The following ROBO1 variants were observed in gnomAD, a reference collection of about 807,000 sequenced individuals.
The protein encoded by ROBO1 is roundabout homolog 1.
A neutral mutation model predicts 195.9 loss-of-function variants in ROBO1; 149 were observed. The ratio of observed to expected loss-of-function variants is 0.76; its 90% CI spans 0.67 to 0.87. The LOEUF (loss-of-function observed/expected upper bound fraction) is 0.87. Among genes scored for constraint, ROBO1 ranks in the 40% least tolerant of loss-of-function variants. The probability of loss-of-function intolerance (pLI) is 0.00; values close to 1 mark genes in which losing one functional copy is unlikely to be tolerated. For synonymous variants in ROBO1, 816 were observed against 733.2 expected (o/e 1.11, Z -1.82); for missense variants, 1,933 against 2,068.3 (o/e 0.93, Z 1.27).
At chr3:78,958,681 A>C (rs991408941) in intron 3 of ROBO1, among the ~76,000 whole-genome samples, 1 of 152,126 alleles carries the variant, frequency 6.6e-6, no homozygotes, top group Admixed American at 6.5e-5. Flanking sequence ...AAATACAGGA[A>C]TCTTATCCTA....
intron 2 of ROBO1, among the ~76,000 whole-genome samples, chr3:79,200,147 T>C (rs949078954): frequency 1.3e-5 from 2 of 151,708 alleles, no homozygotes; most frequent in African/African-American, 2.4e-5. Context: ...GTGAAAAGTA[T>C]TGTAATGAGT....
chr3:79,581,305 T>A (rs893896699), intron 2 of ROBO1, among the ~76,000 whole-genome samples: 2 of 152,102 alleles, frequency 1.3e-5, no homozygotes, highest in Non-Finnish European at 2.9e-5. Context: ...GGCACTCTGT[T>A]TGCTGCAATG....
At chr3:79,642,901 C>T (rs1945708467) in intron 1 of ROBO1, among the ~76,000 whole-genome samples, 1 of 152,152 alleles carries the variant, frequency 6.6e-6, no homozygotes, top group East Asian at 1.9e-4. Context: ...ACAATACACT[C>T]ATAACTCGTG....
At chr3:78,679,133 T>G (rs1412481648) in intron 10 of ROBO1, among the ~76,000 whole-genome samples, 2 of 152,140 alleles carry the variant, frequency 1.3e-5, no homozygotes, top group African/African-American at 2.4e-5. Flanking sequence ...CAACACTTCA[T>G]GCTAAAAACT....
At chr3:79,181,962 A>G (rs887566418) in intron 2 of ROBO1, among the ~76,000 whole-genome samples, 2 of 149,546 alleles carry the variant, frequency 1.3e-5, no homozygotes, top group Non-Finnish European at 3.0e-5. Context: ...AATGGATTTT[A>G]TTCACATATA....
At chr3:79,266,230 A>G (rs1222452389) in intron 2 of ROBO1, among the ~76,000 whole-genome samples, 1 of 151,656 alleles carries the variant, frequency 6.6e-6, no homozygotes, top group Non-Finnish European at 1.5e-5. Flanking sequence ...TCAGAAGAAA[A>G]TCCAGCGAGA....
At chr3:78,603,478 C>G (rs1286024834) in intron 29 of ROBO1, among the ~76,000 whole-genome samples, 1 of 152,072 alleles carries the variant, frequency 6.6e-6, no homozygotes, top group African/African-American at 2.4e-5. Flanking sequence ...TGACTACAAG[C>G]CCCTTGAAGT....
chr3:79,207,742 T>G (rs935632896), intron 2 of ROBO1, among the ~76,000 whole-genome samples: 3 of 150,946 alleles, frequency 2.0e-5, no homozygotes, highest in Non-Finnish European at 4.4e-5. Flanking sequence ...TAATTTCTTT[T>G]ACATGGAGAG....
chr3:79,191,098 T>A (rs2081531810), intron 2 of ROBO1, among the ~76,000 whole-genome samples: 1 of 151,604 alleles, frequency 6.6e-6, no homozygotes, highest in South Asian at 2.1e-4. Context: ...AATTAAATGT[T>A]GGTTAATTCT....
chr3:79,091,558 C>T (rs766711882), intron 3 of ROBO1, among the ~76,000 whole-genome samples: 1 of 124,298 alleles, frequency 8.0e-6, no homozygotes, highest in Non-Finnish European at 1.7e-5. Context: ...AAAATTCCTA[C>T]TTTTATGATG....
intron 2 of ROBO1, among the ~76,000 whole-genome samples, chr3:79,438,895 A>G (rs1005345251): frequency 6.6e-6 from 1 of 152,026 alleles, no homozygotes; most frequent in Non-Finnish European, 1.5e-5. Context: ...GGCAAATACC[A>G]CTGATACTAG....
At chr3:79,330,624 T>C (rs1208337344) in intron 2 of ROBO1, among the ~76,000 whole-genome samples, 1 of 146,078 alleles carries the variant, frequency 6.8e-6, no homozygotes, top group African/African-American at 2.6e-5. Context: ...TGTGACAAAG[T>C]TTGTATGGCC....
At chr3:78,772,719 C>G (rs372629177) in intron 4 of ROBO1, among the ~76,000 whole-genome samples, 1 of 152,020 alleles carries the variant, frequency 6.6e-6, no homozygotes, top group Middle Eastern at 3.2e-3. Context: ...ACTTCTCAGG[C>G]CTCTACTCAG....
At chr3:79,225,596 C>A (rs2082213403) in intron 2 of ROBO1, among the ~76,000 whole-genome samples, 1 of 152,158 alleles carries the variant, frequency 6.6e-6, no homozygotes, top group African/African-American at 2.4e-5. Flanking sequence ...TTCTCAAGTT[C>A]TTTCCATTTA....
chr3:79,176,582 C>T (rs918482276), intron 2 of ROBO1, among the ~76,000 whole-genome samples: 1 of 152,074 alleles, frequency 6.6e-6, no homozygotes, highest in African/African-American at 2.4e-5. Context: ...CTTAGCCTCC[C>T]AAGTAGCTGG....
intron 2 of ROBO1, among the ~76,000 whole-genome samples, chr3:79,275,180 A>C (rs961485917): frequency 4.6e-5 from 7 of 152,076 alleles, no homozygotes; most frequent in African/African-American, 1.4e-4. Context: ...CACATAAGAA[A>C]ATACAAAACT....
chr3:79,326,964 A>G (rs2034238678), intron 2 of ROBO1, among the ~76,000 whole-genome samples: 1 of 152,174 alleles, frequency 6.6e-6, no homozygotes, highest in African/African-American at 2.4e-5. Context: ...ATTTATAGGA[A>G]GTTAAGTCAC....
intron 3 of ROBO1, among the ~76,000 whole-genome samples, chr3:79,080,824 T>C (rs1348649220): frequency 6.6e-6 from 1 of 152,060 alleles, no homozygotes; most frequent in Admixed American, 6.6e-5. Context: ...ATTAAGAATC[T>C]CTGTTTATTT....
intron 4 of ROBO1, among the ~76,000 whole-genome samples, chr3:78,811,407 T>G (rs2084734944): frequency 6.6e-6 from 1 of 152,154 alleles, no homozygotes; most frequent in Admixed American, 6.6e-5. Context: ...TGGAAGTATT[T>G]CCATGTTATA....
Sources: gnomAD v4.1 joint callset for allele counts (sites outside exome capture counted in the v4.1 genomes callset) on GRCh38, gnomAD v4.1.1 for gene constraint, MANE v1.5 for transcripts, NCBI Gene and HGNC (gene_info 2026-07-23, HGNC 2026-07-21) for gene names.